Variants in CNTROB observed in about 807,000 individuals in gnomAD.
CNTROB encodes the protein centrobin, centriole duplication and spindle assembly protein, also known as centrobin.
A neutral mutation model predicts 115.7 loss-of-function variants in CNTROB; 82 were observed. The ratio of observed to expected loss-of-function variants is 0.71; its 90% CI spans 0.59 to 0.85. The LOEUF (loss-of-function observed/expected upper bound fraction) is 0.85. CNTROB is among the 40% of genes least tolerant of loss of function. The pLI, the probability that CNTROB is intolerant of heterozygous loss-of-function variation, is 0.00. For synonymous variants in CNTROB, 439 were observed against 456.4 expected (o/e 0.96, Z 0.49); for missense variants, 1,014 against 1,144.4 (o/e 0.89, Z 1.64).
In CNTROB at chr17:7,943,585, C is replaced by T; in HGVS notation, c.1445+61C>T. On this transcript the variant is annotated intron_variant, in intron 10 of 18. Transcript: ENST00000563694. The surrounding 1 kb of genome is among the most constrained non-coding windows in gnomAD (Gnocchi z 4.7). Reference sequence around the variant, plus strand: ...CACAGCACGTATCGTTAGTGCCAGGCCTGTGTTCCCTTCAATCCCTTTGCC... The same window carrying T: ...CACAGCACGTATCGTTAGTGCCAGGTCTGTGTTCCCTTCAATCCCTTTGCC... The T allele has an allele frequency of 6.5e-7, 1 of 1,532,592 alleles. No individual in the cohort carries two copies. The highest frequency in any genetic ancestry group is 8.9e-7 in the Non-Finnish European group (1 of 1,125,364). The allele number at this position is 1,532,592 out of a possible 1,614,324, so 94.9% of individuals were successfully genotyped here.
In CNTROB at chr17:7,944,119, G is replaced by A. The variant is rs1226971054; in HGVS notation, c.1446-4G>A. 1.9e-6 allele frequency: 3 copies of A among 1,608,702 alleles called. No homozygotes were observed. The African/African-American group carries it at 4.0e-5, about 21-fold the overall frequency. ...AGGCCTCTTCTCCTACCTGTGCCCTGTAGGAAGCAGCTGCAGGACCTGAGT... is the reference window on the plus strand; with the variant it reads ...AGGCCTCTTCTCCTACCTGTGCCCTATAGGAAGCAGCTGCAGGACCTGAGT... On this transcript the variant is annotated splice_region_variant and splice_polypyrimidine_tract_variant and intron_variant, in intron 10 of 18. Transcript: ENST00000563694. This position sits in a 1 kb window ranked among gnomAD's most constrained non-coding sequence, Gnocchi z 4.0.
chr17:7,937,026 C>T (rs1973262766), intron 6 of CNTROB, 138 bp from the exon 7 acceptor site: 3 of 1,108,082 alleles, frequency 2.7e-6, no homozygotes, highest in Non-Finnish European at 4.0e-6. Context: ...TTTTCCCACA[C>T]CATGTAGTCT....
chr17:7,949,406 C>G lies in CNTROB; in HGVS notation c.2608C>G (p.Arg870Gly), dbSNP rs151174639. ...RKEIPSQAVP[R>G]RLATAPKTEK... ...TCAGATTCCCTCCCAGGCTGTCCCT[C>G]GCCGCCTTGCTACAGCCCCCAAGAC... Residue 870 changes from arginine (R) to glycine (G), a missense_variant, in exon 19 of 19, where the codon CGC becomes GGC. Arg to Gly is a moderately radical substitution (Grantham distance 125). Coordinates refer to ENST00000563694, the MANE Select transcript of CNTROB (RefSeq NM_053051.5). 2 of 1,614,024 alleles carry G rather than the reference C, an allele frequency of 1.2e-6. No individual in the cohort carries two copies. Among genetic ancestry groups the G allele is most frequent in the Non-Finnish European group, 1.7e-6 (2 of 1,180,038 alleles).
intron 9 of CNTROB, among the ~76,000 whole-genome samples, chr17:7,941,306 C>A (rs1410124826): frequency 6.6e-6 from 1 of 152,136 alleles, no homozygotes; most frequent in African/African-American, 2.4e-5. Flanking sequence ...CATTTGAGAA[C>A]CACAATCCTT....
Position 7,935,027 on chromosome 17 carries a change from C to T in CNTROB, c.476C>T (p.Ala159Val). The change falls in exon 4 of 19, where the codon GCC becomes GTC. Residue 159 changes from alanine (A) to valine (V), a missense_variant. By Grantham distance (64) the Ala-to-Val change is moderately conservative (BLOSUM62 0). Transcript: ENST00000563694. ...CAAGACTTGTCTCCATCTAGCTCAG[C>T]CCAAGCCCTGGAGGAGCTGTTTCCC... ...PLQDLSPSSS[A>V]QALEELFPRY... 1 of 1,613,542 alleles carries T rather than the reference C, an allele frequency of 6.2e-7. No individual in the cohort carries two copies. Among genetic ancestry groups the T allele is most frequent in the Admixed American group, 1.7e-5 (1 of 59,974 alleles).
At chr17:7,940,363 C>A (rs1379661649) in intron 9 of CNTROB, 121 bp downstream of exon 9, 1 of 928,752 alleles carries the variant, frequency 1.1e-6, no homozygotes. Flanking sequence ...ATTCCATTAA[C>A]AGTTTCTATG....
At chr17:7,933,818 G>C (rs1432175085) in intron 1 of CNTROB, among the ~76,000 whole-genome samples, 3 of 152,160 alleles carry the variant, frequency 2.0e-5, no homozygotes, top group African/African-American at 7.2e-5. Context: ...GTATAGAAAA[G>C]GTGTCAGAGT....
chr17:7,940,276 T>C, intron 9 of CNTROB, 34 bp downstream of exon 9: 2 of 1,563,174 alleles, frequency 1.3e-6, no homozygotes, highest in Non-Finnish European at 1.7e-6. Context: ...GGTTTTGTTC[T>C]GACAGAAGTA....
In CNTROB at chr17:7,935,054, G is replaced by C. The variant is rs535452353; in HGVS notation, c.503G>C (p.Arg168Pro). 1 of 1,614,136 alleles carries C rather than the reference G, an allele frequency of 6.2e-7. No homozygotes were observed. The highest frequency in any genetic ancestry group is 8.5e-7 in the Non-Finnish European group (1 of 1,180,034). ...CAAGCCCTGGAGGAGCTGTTTCCCC[G>C]CTACACCAGCCTTCGGCCAGGGCCT... The part of the protein sequence containing the change: ...SAQALEELFP[R>P]YTSLRPGPPL... Residue 168 changes from arginine (R) to proline (P), a missense_variant, in exon 4 of 19, where the codon CGC (arginine) becomes CCC (proline). By Grantham distance (103) the Arg-to-Pro change is moderately radical. Coordinates refer to ENST00000563694, the MANE Select transcript of CNTROB (RefSeq NM_053051.5).
chr17:7,942,955 A>G (rs1031405308), intron 9 of CNTROB, among the ~76,000 whole-genome samples: 2 of 150,540 alleles, frequency 1.3e-5, no homozygotes, highest in African/African-American at 4.9e-5. Flanking sequence ...GCGCCCGCCA[A>G]CACGCCCGGC....
At position 7,936,765 on chromosome 17, in the gene CNTROB, G is replaced by A; in HGVS notation, c.776G>A (p.Gly259Glu). 2 of 1,569,778 alleles carry A rather than the reference G, an allele frequency of 1.3e-6. No individual in the cohort carries two copies. The highest frequency in any genetic ancestry group is 8.8e-7 in the Non-Finnish European group (1 of 1,139,422). ...HEAERTEVLR[G>E]LQEEHQAAEL... ...GCTGAGCGGACAGAGGTTCTCAGGG[G>A]ACTTCAAGAGGAACACCAGGCAGCA... Residue 259 changes from glycine to glutamate, a missense_variant, in exon 6 of 19, where the codon GGA becomes GAA. Gly to Glu is a moderately conservative substitution (Grantham distance 98, BLOSUM62 -2). Coordinates refer to ENST00000563694, the MANE Select transcript of CNTROB (RefSeq NM_053051.5).
At chr17:7,941,496 G>A (rs1055486128) in intron 9 of CNTROB, among the ~76,000 whole-genome samples, 1 of 151,800 alleles carries the variant, frequency 6.6e-6, no homozygotes, top group East Asian at 1.9e-4. Context: ...CTACTAAGAA[G>A]GCCGAGGCAG....
chr17:7,945,950 C>A lies in CNTROB; in HGVS notation c.1957C>A (p.Pro653Thr). The A allele has an allele frequency of 1.2e-6, 2 of 1,614,096 alleles. No homozygotes were observed. The highest frequency in any genetic ancestry group is 2.2e-5 in the South Asian group (2 of 91,082). The stretch of plus-strand genomic sequence containing the variant: ...TTTTCAGAGCCAGCATTCTTTCCAG[C>A]CCCTGGAGCCCAAACCAGACCTCAC... ...PSFQSQHSFQPLEPKPDLTSS... is the reference protein window; with the variant it reads ...PSFQSQHSFQTLEPKPDLTSS... Residue 653 changes from proline to threonine, a missense_variant, in exon 13 of 19, where the codon CCC becomes ACC. Coordinates refer to ENST00000563694, the MANE Select transcript of CNTROB (RefSeq NM_053051.5).
chr17:7,943,335 A>C lies in CNTROB; in HGVS notation c.1312-56A>C, dbSNP rs566050673. 1.6e-4 allele frequency: 221 copies of C among 1,389,108 alleles called. 1 individual carries two copies. The highest frequency in any genetic ancestry group is 1.1e-3 in the South Asian group (88 of 80,212). 86.0% of individuals were successfully genotyped at this position (1,389,108 alleles called of 1,614,324 possible). A position where few individuals can be genotyped will look rare whatever the true frequency, so the allele number is the denominator to read the frequency against. On this transcript the variant is annotated intron_variant, in intron 9 of 18. Transcript: ENST00000563694. The surrounding 1 kb of genome is among the most constrained non-coding windows in gnomAD (Gnocchi z 4.7). Reference sequence around the variant, plus strand: ...GGATTTTGTCTACATTATATCCTCCATCCTCTTCTAAGCCCAAACAGATTT... The same window carrying C: ...GGATTTTGTCTACATTATATCCTCCCTCCTCTTCTAAGCCCAAACAGATTT...
intron 13 of CNTROB, among the ~76,000 whole-genome samples, chr17:7,947,160 CAAAA>C (rs796605627): frequency 1.4e-3 from 80 of 58,504 alleles, no homozygotes; most frequent in Non-Finnish European, 2.3e-3. Flanking sequence ...GACTCCATCT[CAAAA>C]AAAAAAAAAA....
Position 7,933,156 on chromosome 17 carries a change from G to T in CNTROB, c.77G>T (p.Gly26Val), listed in dbSNP as rs372319018. 1.2e-3 allele frequency: 1,872 copies of T among 1,614,144 alleles called. 52 individuals are homozygous for T. The South Asian group carries it at 0.02, about 17-fold the overall frequency. ...DLLSDSSEPPGLNQVSSEVTS... is the reference protein window; with the variant it reads ...DLLSDSSEPPVLNQVSSEVTS... ...CTGAGTGATTCATCAGAACCCCCTG[G>T]GCTCAACCAAGTGTCGTCTGAAGTG... Residue 26 changes from glycine (G) to valine (V), a missense_variant, in exon 1 of 19, where the codon GGG (glycine) becomes GTG (valine). Physicochemically the swap from Gly to Val is moderately radical, Grantham distance 109 (BLOSUM62 -3). Coordinates refer to ENST00000563694, the MANE Select transcript of CNTROB (RefSeq NM_053051.5).
Position 7,947,602 on chromosome 17 carries a change from T to A in CNTROB, c.2025T>A (p.His675Gln), listed in dbSNP as rs976338291. The change falls in exon 14 of 19, where the codon CAT becomes CAA. Residue 675 changes from histidine to glutamine, a missense_variant. His to Gln is a conservative substitution (Grantham distance 24, BLOSUM62 0). Coordinates refer to ENST00000563694, the MANE Select transcript of CNTROB (RefSeq NM_053051.5). The part of the protein sequence containing the change: ...AGAFSALGAF[H>Q]PDHRAERPFP... ...CCTTCTCTGCACTTGGGGCCTTCCA[T>A]CCCGATCATAGGGCAGAAAGGCCAT... 10 of 1,612,774 alleles carry A rather than the reference T, an allele frequency of 6.2e-6. No homozygotes were observed. Among genetic ancestry groups the A allele is most frequent in the Non-Finnish European group, 8.5e-6 (10 of 1,178,966 alleles).
In CNTROB at chr17:7,935,140, C is replaced by T. The variant is rs377460163; in HGVS notation, c.589C>T (p.Arg197Cys). 23 of 1,614,022 alleles carry T rather than the reference C, an allele frequency of 1.4e-5. No individual in the cohort carries two copies. The highest frequency in any genetic ancestry group is 1.7e-5 in the Admixed American group (1 of 60,008). The change falls in exon 4 of 19, where the codon CGC becomes TGC. Residue 197 changes from arginine (R) to cysteine (C), a missense_variant. Arg to Cys is a radical substitution (Grantham distance 180). Coordinates refer to ENST00000563694, the MANE Select transcript of CNTROB (RefSeq NM_053051.5). Reference sequence around the variant, plus strand: ...TGCATTGGATTCAGAGCATACCCGCCGCAAGGTAAGATGCAAACGCTTCCT... The same window carrying T: ...TGCATTGGATTCAGAGCATACCCGCTGCAAGGTAAGATGCAAACGCTTCCT... ...RDALDSEHTR[R>C]KHCERHIQSL...
At position 7,937,522 on chromosome 17, in the gene CNTROB, G is replaced by T. The variant is rs979349433; in HGVS notation, c.927+260G>T. Among the ~76,000 whole-genome samples the T allele has an allele frequency of 3.3e-5, 5 of 152,074 alleles. No individual in the cohort carries two copies. The East Asian group carries it at 9.6e-4, about 29-fold the overall frequency. On this transcript the variant is annotated intron_variant, in intron 7 of 18. Transcript: ENST00000563694. ...ATCTGAAGAATTATTTTAAAATATA[G>T]GCTAGGCACGGTGGCTCACCCCTGT...
Sources: allele counts gnomAD v4.1 joint callset (sites outside exome capture counted in the v4.1 genomes callset), GRCh38; gene constraint gnomAD v4.1.1; non-coding constraint Gnocchi (gnomAD v3.1); transcripts MANE v1.5; gene names NCBI Gene and HGNC (gene_info 2026-07-23, HGNC 2026-07-21).